Variants in DEF6 observed in about 807,000 individuals in gnomAD.
DEF6 encodes the protein DEF6 guanine nucleotide exchange factor, also known as differentially expressed in FDCP 6 homolog.
DEF6 carries 32 observed loss-of-function variants against 80.5 expected under a neutral mutation model. That is an observed-to-expected ratio of 0.40 (90% confidence interval 0.30 to 0.53). DEF6 has a LOEUF of 0.53. Among genes scored for constraint, DEF6 ranks in the 20% least tolerant of loss-of-function variants. The probability of loss-of-function intolerance (pLI) is 0.57; values close to 1 mark genes in which losing one functional copy is unlikely to be tolerated. For missense variants in DEF6, 575 were observed against 818.7 expected, an observed-to-expected ratio of 0.70 and a Z score of 3.63; for synonymous variants, 300 against 337.9, an observed-to-expected ratio of 0.89 and a Z score of 1.23.
At position 35,312,406 on chromosome 6, in the gene DEF6, CG is replaced by C. The variant is rs766609884; in HGVS notation, c.534del (p.Leu179SerfsTer40). 1 of 1,613,984 alleles carries C rather than the reference CG, an allele frequency of 6.2e-7. No homozygotes were observed. On this transcript the variant is annotated frameshift_variant, in exon 4 of 11. Transcript: ENST00000316637. LOFTEE classifies it high-confidence loss of function. The surrounding 1 kb of genome is among the most constrained non-coding windows in gnomAD (Gnocchi z 6.6). ...AQEAQVAQTT[G>X]GLSVWQFLEL... ...AGGAGGCCCAGGTGGCCCAGACCACCGGGGGGCTCAGCGTCTGGCAGTTCCT... is the reference window on the plus strand; with the variant it reads ...AGGAGGCCCAGGTGGCCCAGACCACCGGGGGCTCAGCGTCTGGCAGTTCCT...
chr6:35,302,534 C>T (rs1277005234), intron 1 of DEF6, among the ~76,000 whole-genome samples: 3 of 152,134 alleles, frequency 2.0e-5, no homozygotes, highest in African/African-American at 7.2e-5. Flanking sequence ...CCAATCCCCA[C>T]ACTTGAGTTT....
At chr6:35,320,863 C>T in intron 9 of DEF6, 21 bp from the exon 10 acceptor site, 1 of 1,593,182 alleles carries the variant, frequency 6.3e-7, no homozygotes, top group Non-Finnish European at 8.6e-7. Context: ...TGATCACTCC[C>T]CACTGGCCCT....
rs779007011 is a variant in DEF6 at position 35,310,657 on chromosome 6, G to A, written c.423+13G>A. ...GGTTCCTGATGAGGTGAGGGTGATG[G>A]CAGCCCCAGGGACTGAATCACTTGG... On this transcript the variant is annotated intron_variant, in intron 3 of 10. Coordinates refer to ENST00000316637, the MANE Select transcript of DEF6 (RefSeq NM_022047.4). 1 of 1,614,050 alleles carries A rather than the reference G, an allele frequency of 6.2e-7. No individual in the cohort carries two copies. The highest frequency in any genetic ancestry group is 1.1e-5 in the South Asian group (1 of 91,072).
At chr6:35,317,862 C>G in intron 5 of DEF6, 29 bp from the exon 6 acceptor site, 1 of 1,600,296 alleles carries the variant, frequency 6.2e-7, no homozygotes, top group Non-Finnish European at 8.5e-7. Context: ...GTGAGGCCAG[C>G]CTGGCTGCGG....
chr6:35,310,329 C>A, intron 2 of DEF6, 130 bp from the exon 3 acceptor site: 1 of 938,936 alleles, frequency 1.1e-6, no homozygotes, highest in Non-Finnish European at 1.6e-6. Flanking sequence ...TCAGGGATCC[C>A]TTGAGTTAGG....
At position 35,318,593 on chromosome 6, in the gene DEF6, G is replaced by A; in HGVS notation, c.1215+122G>A. The A allele has an allele frequency of 1.0e-6, 1 of 957,240 alleles. No individual in the cohort carries two copies. The highest frequency in any genetic ancestry group is 2.8e-5 in the South Asian group (1 of 35,274). The allele number at this position is 957,240 out of a possible 1,614,324, so 59.3% of individuals were successfully genotyped here. ...TCCTGGGTTGAGGGGCGTGCACTGGGGTGGAGCTTGAAATGAGGGATTGTT... is the reference window on the plus strand; with the variant it reads ...TCCTGGGTTGAGGGGCGTGCACTGGAGTGGAGCTTGAAATGAGGGATTGTT... On this transcript the variant is annotated intron_variant, in intron 7 of 10. Coordinates refer to ENST00000316637, the MANE Select transcript of DEF6 (RefSeq NM_022047.4). The surrounding 1 kb of genome is among the most constrained non-coding windows in gnomAD (Gnocchi z 5.1).
intron 9 of DEF6, 68 bp downstream of exon 9, chr6:35,320,085 C>A: frequency 6.8e-7 from 1 of 1,477,352 alleles, no homozygotes; most frequent in Non-Finnish European, 9.2e-7. Flanking sequence ...GCTCTGGAGC[C>A]AGGCTGCCTT....
At chr6:35,307,562 G>T (rs1791409121) in intron 1 of DEF6, among the ~76,000 whole-genome samples, 1 of 152,192 alleles carries the variant, frequency 6.6e-6, no homozygotes, top group African/African-American at 2.4e-5. Context: ...TGAGCCAGTG[G>T]CACCCCTTAG....
In DEF6 at chr6:35,318,589, C is replaced by T; in HGVS notation, c.1215+118C>T. 1.0e-6 allele frequency: 1 copy of T among 997,632 alleles called. No individual in the cohort carries two copies. The highest frequency in any genetic ancestry group is 1.3e-6 in the Non-Finnish European group (1 of 751,778). The allele number at this position is 997,632 out of a possible 1,614,324, so 61.8% of individuals were successfully genotyped here. On this transcript the variant is annotated intron_variant, in intron 7 of 10. Coordinates refer to ENST00000316637, the MANE Select transcript of DEF6 (RefSeq NM_022047.4). The surrounding 1 kb of genome is among the most constrained non-coding windows in gnomAD (Gnocchi z 5.1). ...GAGCTCCTGGGTTGAGGGGCGTGCA[C>T]TGGGGTGGAGCTTGAAATGAGGGAT...
intron 1 of DEF6, among the ~76,000 whole-genome samples, chr6:35,308,460 G>A (rs925776115): frequency 6.6e-6 from 1 of 151,970 alleles, no homozygotes; most frequent in African/African-American, 2.4e-5. Context: ...ATCGCCTGAG[G>A]ACAGGAGTTC....
At chr6:35,302,900 G>A (rs1233795177) in intron 1 of DEF6, among the ~76,000 whole-genome samples, 2 of 152,178 alleles carry the variant, frequency 1.3e-5, no homozygotes, top group East Asian at 3.8e-4. Flanking sequence ...CTCTCTCTGA[G>A]CCTTGATTTC....
At position 35,318,104 on chromosome 6, in the gene DEF6, G is replaced by A. The variant is rs1255301648; in HGVS notation, c.917-69G>A. On this transcript the variant is annotated intron_variant, in intron 6 of 10. Coordinates refer to ENST00000316637, the MANE Select transcript of DEF6 (RefSeq NM_022047.4). The surrounding 1 kb of genome is among the most constrained non-coding windows in gnomAD (Gnocchi z 5.1). ...CAGCGGGAGGTTGGAGAGTGGACTCGGGAAACTCCTAAGGCCCCTTTCGGG... is the reference window on the plus strand; with the variant it reads ...CAGCGGGAGGTTGGAGAGTGGACTCAGGAAACTCCTAAGGCCCCTTTCGGG... 1 of 1,538,124 alleles carries A rather than the reference G, an allele frequency of 6.5e-7. No homozygotes were observed. The highest frequency in any genetic ancestry group is 2.3e-5 in the East Asian group (1 of 43,602).
intron 1 of DEF6, among the ~76,000 whole-genome samples, chr6:35,306,969 A>G (rs1582228740): frequency 6.6e-6 from 1 of 152,242 alleles, no homozygotes; most frequent in African/African-American, 2.4e-5. Flanking sequence ...CCAGCTACAT[A>G]CAGTGGTTCC....
At chr6:35,298,096 G>A in intron 1 of DEF6, 144 bp downstream of exon 1, 1 of 717,714 alleles carries the variant, frequency 1.4e-6, no homozygotes, top group South Asian at 1.7e-5. Flanking sequence ...GGCTGGTCCT[G>A]GGTAACTGGG....
At chr6:35,302,934 G>C (rs920952122) in intron 1 of DEF6, among the ~76,000 whole-genome samples, 12 of 152,124 alleles carry the variant, frequency 7.9e-5, no homozygotes, top group Middle Eastern at 6.3e-3. Flanking sequence ...TGAGGATAAT[G>C]AGAGTCCCCT....
rs1462218777 is a variant in DEF6 at position 35,312,396 on chromosome 6, C to T, written c.518C>T (p.Ala173Val). The change falls in exon 4 of 11, where the codon GCC (alanine) becomes GTC (valine). Residue 173 changes from alanine (A) to valine (V), a missense_variant. Ala to Val is a moderately conservative substitution (Grantham distance 64, BLOSUM62 0). Coordinates refer to ENST00000316637, the MANE Select transcript of DEF6 (RefSeq NM_022047.4). The surrounding 1 kb of genome is among the most constrained non-coding windows in gnomAD (Gnocchi z 6.6). Reference sequence around the variant, plus strand: ...CTTCTGGCCCAGGAGGCCCAGGTGGCCCAGACCACCGGGGGGCTCAGCGTC... The same window carrying T: ...CTTCTGGCCCAGGAGGCCCAGGTGGTCCAGACCACCGGGGGGCTCAGCGTC... ...EELLAQEAQV[A>V]QTTGGLSVWQ... 2 of 1,614,126 alleles carry T rather than the reference C, an allele frequency of 1.2e-6. No homozygotes were observed. The highest frequency in any genetic ancestry group is 3.3e-5 in the Admixed American group (2 of 60,030).
chr6:35,312,582 C>A lies in DEF6; in HGVS notation c.660+44C>A. 6.2e-7 allele frequency: 1 copy of A among 1,614,024 alleles called. No homozygotes were observed. The highest frequency in any genetic ancestry group is 1.1e-5 in the South Asian group (1 of 91,078). ...TAGGGGAAGCACACAAGGTGCAGGG[C>A]GAAGGGGGGCCTGGGAAGCCTCTGA... On this transcript the variant is annotated intron_variant, in intron 4 of 10. Transcript: ENST00000316637. The surrounding 1 kb of genome is among the most constrained non-coding windows in gnomAD (Gnocchi z 6.6).
Position 35,297,848 on chromosome 6 carries a change from G to C in DEF6, c.-9G>C. On this transcript the variant is annotated 5_prime_UTR_variant, in exon 1 of 11. Coordinates refer to ENST00000316637, the MANE Select transcript of DEF6 (RefSeq NM_022047.4). ...CAGAGCCGCCCCCAGCCGGGCGGGC[G>C]CCTCAGCCATGGCCCTGCGCAAGGA... 6.3e-7 allele frequency: 1 copy of C among 1,588,346 alleles called. No individual in the cohort carries two copies. Among genetic ancestry groups the C allele is most frequent in the Non-Finnish European group, 8.6e-7 (1 of 1,168,364 alleles).
chr6:35,321,036 G>T (rs1383092653), intron 10 of DEF6, 62 bp downstream of exon 10: 2 of 1,583,240 alleles, frequency 1.3e-6, no homozygotes, highest in African/African-American at 1.3e-5. Context: ...AGGGAGAAAG[G>T]TCTCCCTGGG....
Sources: allele counts gnomAD v4.1 joint callset (sites outside exome capture counted in the v4.1 genomes callset), GRCh38; gene constraint gnomAD v4.1.1; non-coding constraint Gnocchi (gnomAD v3.1); transcripts MANE v1.5; gene names NCBI Gene and HGNC (gene_info 2026-07-23, HGNC 2026-07-21).